SERINC5: variants seen among roughly 807,000 people sequenced by gnomAD.
The protein encoded by SERINC5 is chromosome 5 open reading frame 12.
In SERINC5, 41 loss-of-function variants were observed where a neutral mutation model predicts 63.1. The observed-to-expected ratio is 0.65, with a 90% CI of 0.51 to 0.84. SERINC5 has a LOEUF of 0.84. Among genes scored for constraint, SERINC5 ranks in the 40% least tolerant of loss-of-function variants. The probability of loss-of-function intolerance (pLI) is 0.00; values close to 1 mark genes in which losing one functional copy is unlikely to be tolerated. For missense variants in SERINC5, 523 were observed against 573.0 expected (o/e 0.91, Z 0.89); for synonymous variants, 222 against 215.2 (o/e 1.03, Z -0.28).
intron 11 of SERINC5, among the ~76,000 whole-genome samples, chr5:80,119,589 G>T (rs972424010): frequency 8.5e-5 from 13 of 152,318 alleles, no homozygotes; most frequent in Non-Finnish European, 1.6e-4. Context: ...CAGATGGAAG[G>T]TCAGCTACAC....
At chr5:80,173,269 GGAA>G (rs1561393226) in intron 5 of SERINC5, among the ~76,000 whole-genome samples, 2 of 147,212 alleles carry the variant, frequency 1.4e-5, no homozygotes, top group Non-Finnish European at 3.0e-5. Context: ...AAGGAAGGAA[GGAA>G]GGAAGGAAGA....
At chr5:80,133,006 G>C (rs1053834329) in intron 11 of SERINC5, among the ~76,000 whole-genome samples, 2 of 152,166 alleles carry the variant, frequency 1.3e-5, no homozygotes, top group Admixed American at 1.3e-4. Context: ...GGTGGGGCCT[G>C]GTGGGAGGTG....
chr5:80,178,262 G>A (rs928852638), intron 2 of SERINC5, among the ~76,000 whole-genome samples, 198 bp from the exon 3 acceptor site: 10 of 152,042 alleles, frequency 6.6e-5, no homozygotes, highest in African/African-American at 2.4e-4. Context: ...TGATCATAAA[G>A]TAACACTCAG....
intron 1 of SERINC5, among the ~76,000 whole-genome samples, chr5:80,233,842 C>T (rs1394346376): frequency 8.5e-6 from 1 of 117,952 alleles, no homozygotes; most frequent in Non-Finnish European, 1.6e-5. Context: ...GACAGAGTCT[C>T]ACTCTGTCGC....
At chr5:80,181,234 CAA>C (rs529839892) in intron 2 of SERINC5, among the ~76,000 whole-genome samples, 285 of 152,236 alleles carry the variant, frequency 1.9e-3, no homozygotes, top group African/African-American at 6.2e-3. Context: ...CACAAACAAA[CAA>C]AGAGTTCCAT....
chr5:80,114,776 G>A (rs772019415), intron 11 of SERINC5: 1 of 151,906 alleles, frequency 6.6e-6, no homozygotes, highest in Non-Finnish European at 1.5e-5. Flanking sequence ...AACATGGGGG[G>A]ATTACAATTT....
rs1491283304 is a variant in SERINC5, at chr5:80,164,911, T to TTTTG, written c.859+1471_859+1472insCAAA. 1.8e-3 allele frequency among the ~76,000 whole-genome samples: 37 copies of TTTTG among 20,686 alleles called. 1 individual carries two copies. The highest frequency in any genetic ancestry group is 7.8e-3 in the African/African-American group (33 of 4,222). The allele number at this position is 20,686 out of a possible 152,430, so 13.6% of individuals were successfully genotyped here. On this transcript the variant is annotated intron_variant, in intron 7 of 11. Transcript: ENST00000507668. ...GAAATTTAAAATAACTTTTTTTCTG[T>TTTTG]TTTTTTTTTTTTTTTTTTTTTGTAG...
intron 2 of SERINC5, among the ~76,000 whole-genome samples, chr5:80,200,663 T>C (rs538360139): frequency 4.6e-5 from 7 of 152,326 alleles, no homozygotes; most frequent in African/African-American, 1.7e-4. Context: ...GTATCCACCA[T>C]ATCCAAGACC....
At chr5:80,226,572 C>T (rs1751174386) in intron 1 of SERINC5, among the ~76,000 whole-genome samples, 1 of 152,106 alleles carries the variant, frequency 6.6e-6, no homozygotes, top group Non-Finnish European at 1.5e-5. Flanking sequence ...TCAGAAGAGC[C>T]CACTGGATGC....
intron 11 of SERINC5, 121 bp downstream of exon 11, chr5:80,145,969 C>T (rs1745794681): frequency 9.8e-7 from 1 of 1,025,626 alleles, no homozygotes; most frequent in African/African-American, 1.6e-5. Flanking sequence ...AGGATCGTGC[C>T]ACTGCACTCC....
chr5:80,113,407 C>T (rs1744203105), intron 12 of SERINC5, among the ~76,000 whole-genome samples: 1 of 152,076 alleles, frequency 6.6e-6, no homozygotes, highest in Non-Finnish European at 1.5e-5. Flanking sequence ...GTGGCATAGC[C>T]ATTCATGTTT....
rs1745553957 is a variant in SERINC5 at position 80,142,253 on chromosome 5, G to A, written c.*1410C>T. 10 of 985,302 alleles carry A rather than the reference G, an allele frequency of 1.0e-5. No homozygotes were observed. Among genetic ancestry groups the A allele is most frequent in the African/African-American group, 7.0e-5 (4 of 57,224 alleles). 61.0% of individuals were successfully genotyped at this position (985,302 alleles called of 1,614,324 possible). A position where few individuals can be genotyped will look rare whatever the true frequency, so the allele number is the denominator to read the frequency against. ...GGTAGCTGCCGAAAGTCACGTTTCT[G>A]TATTACTTTGCAAGTACGTATTTTG... On this transcript the variant is annotated 3_prime_UTR_variant, in exon 12 of 12. Coordinates refer to ENST00000507668, the MANE Select transcript of SERINC5 (RefSeq NM_001174072.3).
At chr5:80,163,051 C>CA in intron 7 of SERINC5, among the ~76,000 whole-genome samples, 1 of 152,082 alleles carries the variant, frequency 6.6e-6, no homozygotes, top group African/African-American at 2.4e-5. Context: ...CACGAGGTCT[C>CA]ACCATGTTGG....
chr5:80,183,280 C>T lies in SERINC5; in HGVS notation c.196-5216G>A, dbSNP rs141594457. Among the ~76,000 whole-genome samples, 825 of 152,044 alleles carry T rather than the reference C, an allele frequency of 5.4e-3. 8 individuals carry two copies. Among genetic ancestry groups the T allele is most frequent in the African/African-American group, 0.019 (797 of 41,446 alleles). On this transcript the variant is annotated intron_variant, in intron 2 of 11. Coordinates refer to ENST00000507668, the MANE Select transcript of SERINC5 (RefSeq NM_001174072.3). The stretch of plus-strand genomic sequence containing the variant: ...GTTTTCTTCTTTTTTTATGGCATTG[C>T]CGTTTGGGGTGGAGGGAGGGTGGAG...
chr5:80,147,363 T>C (rs750203650), intron 9 of SERINC5, 79 bp from the exon 10 acceptor site: 27 of 1,415,210 alleles, frequency 1.9e-5, no homozygotes, highest in Non-Finnish European at 2.6e-5. Context: ...TAACCCTTAT[T>C]TGAACCACCT....
At position 80,143,804 on chromosome 5, in the gene SERINC5, T is replaced by A; in HGVS notation, c.1245A>T (p.Glu415Asp). Residue 415 changes from glutamate to aspartate, a missense_variant, in exon 12 of 12, where the codon GAA becomes GAT. Coordinates refer to ENST00000507668, the MANE Select transcript of SERINC5 (RefSeq NM_001174072.3). ...TGAAGAAGCTCTCGATGTTGGCACT[T>A]TCGTAGCTGTGGAAACAAGACACCT... ...MMTVTNWFNY[E>D]SANIESFFSG... 1 of 1,536,088 alleles carries A rather than the reference T, an allele frequency of 6.5e-7. No homozygotes were observed. The highest frequency in any genetic ancestry group is 8.7e-7 in the Non-Finnish European group (1 of 1,146,838).
intron 7 of SERINC5, among the ~76,000 whole-genome samples, chr5:80,165,199 T>A (rs1747209134): frequency 6.7e-6 from 1 of 149,210 alleles, no homozygotes; most frequent in Admixed American, 6.7e-5. Flanking sequence ...ATAGAGTATT[T>A]AAAAAAAAAA....
chr5:80,156,944 G>A (rs955387279), intron 8 of SERINC5: 3 of 151,518 alleles, frequency 2.0e-5, no homozygotes, highest in African/African-American at 7.3e-5. Context: ...TTCCATTGAA[G>A]GGTTTATGGC....
chr5:80,200,637 C>A (rs1749778990), intron 2 of SERINC5, among the ~76,000 whole-genome samples: 1 of 152,198 alleles, frequency 6.6e-6, no homozygotes, highest in Non-Finnish European at 1.5e-5. Flanking sequence ...CAGAGGGGAA[C>A]CCAAATTTCA....
Sources: allele counts gnomAD v4.1 joint callset (sites outside exome capture counted in the v4.1 genomes callset), GRCh38; gene constraint gnomAD v4.1.1; transcripts MANE v1.5; gene names NCBI Gene and HGNC (gene_info 2026-07-23, HGNC 2026-07-21).